Variants in ZNF438 observed in about 807,000 individuals in gnomAD.
ZNF438 encodes zinc finger protein 438.
ZNF438 carries 25 observed loss-of-function variants against 38.0 expected under a neutral mutation model. That is an observed-to-expected ratio of 0.66 (90% confidence interval 0.48 to 0.92). The LOEUF (loss-of-function observed/expected upper bound fraction) is 0.92. Among genes scored for constraint, ZNF438 ranks in the 40% least tolerant of loss-of-function variants. ZNF438 has a pLI of 0.00. For synonymous variants in ZNF438, 372 were observed against 364.1 expected (o/e 1.02, Z -0.25); for missense variants, 1,007 against 999.6 (o/e 1.01, Z -0.10).
At chr10:30,966,378 A>G (rs893578834) in intron 1 of ZNF438, among the ~76,000 whole-genome samples, 5 of 152,098 alleles carry the variant, frequency 3.3e-5, no homozygotes, top group African/African-American at 1.2e-4. Context: ...TGCTGTTAAA[A>G]AGAATCAAGG....
chr10:30,995,272 A>T lies in ZNF438; in HGVS notation c.-192+36561T>A, dbSNP rs531012057. Reference sequence around the variant, plus strand: ...AAAGCAGCAAGAGCAAAATGACCAGACAAGTACAAAGCAGCCCCCAATACG... The same window carrying T: ...AAAGCAGCAAGAGCAAAATGACCAGTCAAGTACAAAGCAGCCCCCAATACG... On this transcript the variant is annotated intron_variant, in intron 1 of 5. Transcript: ENST00000413025. Among the ~76,000 whole-genome samples, 104 of 152,314 alleles carry T rather than the reference A, an allele frequency of 6.8e-4. 2 individuals are homozygous for T. In the South Asian group the frequency reaches 6.8e-3, roughly 10 times the overall value.
intron 1 of ZNF438, among the ~76,000 whole-genome samples, chr10:30,960,630 T>G (rs1037036169): frequency 6.8e-6 from 1 of 146,908 alleles, no homozygotes; most frequent in African/African-American, 2.4e-5. Context: ...GCTTATCCTA[T>G]GCCACGGCCA....
exon 6 of ZNF438, chr10:30,844,890 C>G: frequency 6.5e-7 from 1 of 1,539,654 alleles, no homozygotes; most frequent in Non-Finnish European, 8.8e-7. Flanking sequence ...CTAAGCACCA[C>G]CATAAAGCAC....
chr10:31,019,305 T>C (rs957609494), intron 1 of ZNF438, among the ~76,000 whole-genome samples: 1 of 152,200 alleles, frequency 6.6e-6, no homozygotes, highest in African/African-American at 2.4e-5. Context: ...TCTCCTAATA[T>C]TGTTCCCATA....
At chr10:30,866,126 A>C (rs1222426693) in intron 4 of ZNF438, among the ~76,000 whole-genome samples, 1 of 152,298 alleles carries the variant, frequency 6.6e-6, no homozygotes, top group Admixed American at 6.5e-5. Context: ...TTTTAGTTTT[A>C]TAAAATTTTG....
intron 2 of ZNF438, among the ~76,000 whole-genome samples, chr10:30,932,956 A>G (rs1466152830): frequency 1.3e-5 from 2 of 152,318 alleles, no homozygotes; most frequent in East Asian, 3.9e-4. Flanking sequence ...AGAAGAGGCA[A>G]GGCAGAATCC....
chr10:30,952,462 G>C (rs192918443), intron 1 of ZNF438, among the ~76,000 whole-genome samples: 1 of 152,008 alleles, frequency 6.6e-6, no homozygotes, highest in African/African-American at 2.4e-5. Flanking sequence ...GAGTGAACAG[G>C]CAACCTACAA....
At chr10:30,966,941 G>C (rs567099312) in intron 1 of ZNF438, among the ~76,000 whole-genome samples, 26 of 152,178 alleles carry the variant, frequency 1.7e-4, no homozygotes, top group African/African-American at 5.5e-4. Flanking sequence ...AATTATCCTA[G>C]AAACTCTTTC....
chr10:31,010,910 A>G (rs1589712164), intron 1 of ZNF438, among the ~76,000 whole-genome samples: 1 of 127,130 alleles, frequency 7.9e-6, no homozygotes, highest in Non-Finnish European at 1.9e-5. Context: ...AAAAAAAAAA[A>G]AAAAAAAAAA....
chr10:30,908,605 A>C (rs2042798850), intron 3 of ZNF438, among the ~76,000 whole-genome samples: 1 of 152,206 alleles, frequency 6.6e-6, no homozygotes, highest in South Asian at 2.1e-4. Flanking sequence ...ATCTTTCCTG[A>C]TTAATTTCAT....
chr10:30,997,387 T>G (rs1219430788), intron 1 of ZNF438, among the ~76,000 whole-genome samples: 1 of 152,146 alleles, frequency 6.6e-6, no homozygotes, highest in African/African-American at 2.4e-5. Context: ...ATGCAGACTC[T>G]TCTTTCAATA....
chr10:30,967,989 G>T (rs554388241), intron 1 of ZNF438, among the ~76,000 whole-genome samples: 1 of 152,134 alleles, frequency 6.6e-6, no homozygotes, highest in East Asian at 1.9e-4. Flanking sequence ...AGCAGAGAGG[G>T]ATGGAGAAAA....
At chr10:30,875,592 G>A (rs979238333) in intron 4 of ZNF438, 1 of 985,012 alleles carries the variant, frequency 1.0e-6, no homozygotes, top group Non-Finnish European at 1.2e-6. Flanking sequence ...AAATCTTCCA[G>A]AGGATATATA....
chr10:30,888,569 C>T (rs2040261327), intron 3 of ZNF438, among the ~76,000 whole-genome samples: 1 of 152,264 alleles, frequency 6.6e-6, no homozygotes, highest in Middle Eastern at 3.4e-3. Flanking sequence ...CTGTTGTTCC[C>T]TTGTGTCCAC....
At chr10:30,911,887 C>T (rs1026525258) in intron 2 of ZNF438, among the ~76,000 whole-genome samples, 1 of 152,136 alleles carries the variant, frequency 6.6e-6, no homozygotes, top group African/African-American at 2.4e-5. Flanking sequence ...GGACTTGACA[C>T]ACCAAAGTGG....
intron 2 of ZNF438, among the ~76,000 whole-genome samples, chr10:30,935,573 C>T (rs3006573): frequency 0.13 from 19,295 of 152,148 alleles, 1,616 homozygotes; most frequent in Middle Eastern, 0.24. Flanking sequence ...TTAGGTCTCA[C>T]CTCAAACATG....
At chr10:30,936,935 C>T (rs1359504278) in intron 2 of ZNF438, among the ~76,000 whole-genome samples, 1 of 152,082 alleles carries the variant, frequency 6.6e-6, no homozygotes, top group African/African-American at 2.4e-5. Flanking sequence ...AAATTTTAAA[C>T]ACATCAAAGA....
At position 30,909,033 on chromosome 10, in the gene ZNF438, G is replaced by T. The variant is rs1412748262; in HGVS notation, c.-114-18C>A. The T allele has an allele frequency of 1.3e-5, 2 of 152,018 alleles. No individual in the cohort carries two copies. Among genetic ancestry groups the T allele is most frequent in the African/African-American group, 2.4e-5 (1 of 41,402 alleles). The allele number at this position is 152,018 out of a possible 1,614,324, so 9.4% of individuals were successfully genotyped here. On this transcript the variant is annotated intron_variant, in intron 2 of 5. Transcript: ENST00000413025. Reference sequence around the variant, plus strand: ...CAACATACCTAAAAAAAGAAAACTGGATTTACAAACTTTTAAGAGAAAACT... The same window carrying T: ...CAACATACCTAAAAAAAGAAAACTGTATTTACAAACTTTTAAGAGAAAACT...
chr10:30,984,914 A>G (rs1424139166), intron 1 of ZNF438, among the ~76,000 whole-genome samples: 3 of 152,196 alleles, frequency 2.0e-5, no homozygotes, highest in South Asian at 4.1e-4. Flanking sequence ...AGTGTCCCAC[A>G]AATTTACCAT....
Sources: allele counts gnomAD v4.1 joint callset (sites outside exome capture counted in the v4.1 genomes callset), GRCh38; gene constraint gnomAD v4.1.1; transcripts MANE v1.5; gene names NCBI Gene and HGNC (gene_info 2026-07-23, HGNC 2026-07-21).